The following MAGI1 variants were observed in gnomAD, a reference collection of about 807,000 sequenced individuals.
MAGI1 encodes membrane associated guanylate kinase, WW and PDZ domain containing 1.
MAGI1 carries 58 observed loss-of-function variants against 139.9 expected under a neutral mutation model. That is an observed-to-expected ratio of 0.41 (90% confidence interval 0.34 to 0.52). The LOEUF (loss-of-function observed/expected upper bound fraction) is 0.52, where lower values mean the gene tolerates loss of function less well. Ranked by LOEUF, MAGI1 falls within the 20% of genes least tolerant of loss-of-function variation. The pLI is 0.12. For synonymous variants in MAGI1, 812 were observed against 737.9 expected, an observed-to-expected ratio of 1.10 and a Z score of -1.63; for missense variants, 1,874 against 1,901.6, an observed-to-expected ratio of 0.99 and a Z score of 0.27.
intron 1 of MAGI1, among the ~76,000 whole-genome samples, chr3:65,833,256 T>A (rs772579392): frequency 1.1e-4 from 17 of 152,008 alleles, no homozygotes; most frequent in Non-Finnish European, 1.6e-4. Flanking sequence ...GTAGCTGGGA[T>A]CACAGGCGTG....
At chr3:65,623,772 G>T (rs13073216) in intron 1 of MAGI1, among the ~76,000 whole-genome samples, 4 of 151,956 alleles carry the variant, frequency 2.6e-5, no homozygotes, top group Non-Finnish European at 5.9e-5. Flanking sequence ...TCCAGCTACA[G>T]CTGCTCATTT....
chr3:65,979,912 C>G (rs1417388670), intron 1 of MAGI1, among the ~76,000 whole-genome samples: 1 of 152,180 alleles, frequency 6.6e-6, no homozygotes, highest in Non-Finnish European at 1.5e-5. Context: ...AGAGAGTCAT[C>G]TTGAAAGTAT....
At position 65,442,858 on chromosome 3, in the gene MAGI1, T is replaced by G. The variant is rs749283681; in HGVS notation, c.1079-9A>C. The G allele has an allele frequency of 6.2e-7, 1 of 1,610,728 alleles. No homozygotes were observed. Among genetic ancestry groups the G allele is most frequent in the Non-Finnish European group, 8.5e-7 (1 of 1,177,718 alleles). On this transcript the variant is annotated splice_polypyrimidine_tract_variant and intron_variant, in intron 7 of 22. Coordinates refer to ENST00000402939, the MANE Select transcript of MAGI1 (RefSeq NM_001033057.2). The stretch of plus-strand genomic sequence containing the variant: ...CCAACCAGCAGGCAGTTCTGAAAAA[T>G]AAAAGAACATTTAGGGCAAGAAGAG...
chr3:65,748,779 G>T (rs941205784), intron 1 of MAGI1, among the ~76,000 whole-genome samples: 2 of 152,188 alleles, frequency 1.3e-5, no homozygotes, highest in Non-Finnish European at 2.9e-5. Context: ...GACCTCCTGG[G>T]GGAGTTATTG....
At chr3:66,025,509 A>G (rs1393234337) in intron 1 of MAGI1, among the ~76,000 whole-genome samples, 3 of 152,194 alleles carry the variant, frequency 2.0e-5, no homozygotes, top group African/African-American at 7.2e-5. Flanking sequence ...ACTCCAGCCT[A>G]GGCGACAGAG....
At chr3:65,459,455 T>C (rs886641051) in intron 5 of MAGI1, among the ~76,000 whole-genome samples, 1 of 152,244 alleles carries the variant, frequency 6.6e-6, no homozygotes, top group African/African-American at 2.4e-5. Flanking sequence ...CTGCTATTTA[T>C]ATGCTTATCT....
At chr3:65,769,349 C>A (rs1218077190) in intron 1 of MAGI1, among the ~76,000 whole-genome samples, 2 of 152,062 alleles carry the variant, frequency 1.3e-5, no homozygotes, top group Non-Finnish European at 2.9e-5. Flanking sequence ...CGTAGTAGAG[C>A]ATGATGTTGT....
intron 1 of MAGI1, among the ~76,000 whole-genome samples, chr3:65,706,387 C>T (rs1468117459): frequency 2.0e-5 from 3 of 152,190 alleles, no homozygotes; most frequent in South Asian, 2.1e-4. Context: ...AAGACTAAGG[C>T]GCCATACCAT....
intron 2 of MAGI1, among the ~76,000 whole-genome samples, chr3:65,589,074 G>T (rs1157755879): frequency 9.2e-5 from 14 of 152,124 alleles, no homozygotes; most frequent in African/African-American, 2.9e-4. Flanking sequence ...AGCAGGGATA[G>T]GTCAGAGTAA....
At chr3:65,520,605 A>AT (rs968430845) in intron 2 of MAGI1, among the ~76,000 whole-genome samples, 5 of 152,114 alleles carry the variant, frequency 3.3e-5, no homozygotes, top group South Asian at 2.1e-4. Flanking sequence ...AATAGGATTG[A>AT]TTTTTTACCA....
At chr3:65,534,290 T>G (rs1166876644) in intron 2 of MAGI1, among the ~76,000 whole-genome samples, 1 of 152,014 alleles carries the variant, frequency 6.6e-6, no homozygotes, top group Admixed American at 6.6e-5. Flanking sequence ...GGGACCAGCC[T>G]GGGCAAGATG....
intron 1 of MAGI1, among the ~76,000 whole-genome samples, chr3:65,860,139 A>G (rs1405258778): frequency 6.6e-6 from 1 of 151,686 alleles, no homozygotes; most frequent in Non-Finnish European, 1.5e-5. Context: ...CAGGTGATCC[A>G]CCTGCCTAGG....
intron 1 of MAGI1, among the ~76,000 whole-genome samples, chr3:65,728,911 A>C (rs557789143): frequency 6.6e-6 from 1 of 152,262 alleles, no homozygotes; most frequent in East Asian, 1.9e-4. Flanking sequence ...ATCAATACTC[A>C]TATGACATCT....
chr3:65,862,972 T>A (rs191454906), intron 1 of MAGI1, among the ~76,000 whole-genome samples: 1 of 152,212 alleles, frequency 6.6e-6, no homozygotes, highest in African/African-American at 2.4e-5. Context: ...CTCCCTAGCA[T>A]GGCATTCAAG....
intron 1 of MAGI1, among the ~76,000 whole-genome samples, chr3:65,724,884 C>T (rs1437851036): frequency 1.3e-5 from 2 of 152,076 alleles, no homozygotes; most frequent in Non-Finnish European, 2.9e-5. Context: ...CAAAATTGCC[C>T]CCATGATTCA....
rs753587094 is a variant in MAGI1, at chr3:65,430,073, G to T, written c.1614C>A (p.Ile538=). The change falls in exon 12 of 23, where the codon ATC becomes ATA. Residue 538 remains isoleucine, a synonymous_variant. Coordinates refer to ENST00000402939, the MANE Select transcript of MAGI1 (RefSeq NM_001033057.2). ...TGGCACCAATGGGGATGGACTGGAA[G>T]ATCTTCACAACTTGAGCATGTGTGT... ...LGHTHAQVVK[I]FQSIPIGASV... is the part of the protein sequence containing the mutation. The T allele has an allele frequency of 2.5e-6, 4 of 1,613,682 alleles. No homozygotes were observed. In the African/African-American group the frequency reaches 4.0e-5, roughly 16 times the overall value.
intron 1 of MAGI1, among the ~76,000 whole-genome samples, chr3:65,887,596 G>T: frequency 6.6e-6 from 1 of 151,700 alleles, no homozygotes; most frequent in East Asian, 1.9e-4. Flanking sequence ...CTCTTAGACA[G>T]AGACAGTAAA....
At chr3:65,788,712 T>C (rs527936500) in intron 1 of MAGI1, among the ~76,000 whole-genome samples, 3 of 152,228 alleles carry the variant, frequency 2.0e-5, no homozygotes, top group South Asian at 2.1e-4. Context: ...AAGCATTAAA[T>C]AAATCAGTGT....
At chr3:65,937,018 C>CT (rs1273792124) in intron 1 of MAGI1, among the ~76,000 whole-genome samples, 2 of 150,976 alleles carry the variant, frequency 1.3e-5, no homozygotes, top group Non-Finnish European at 2.9e-5. Flanking sequence ...GTTTTAATCT[C>CT]TACCTAATTT....
Sources: gnomAD v4.1 joint callset for allele counts (sites outside exome capture counted in the v4.1 genomes callset) on GRCh38, gnomAD v4.1.1 for gene constraint, MANE v1.5 for transcripts, NCBI Gene and HGNC (gene_info 2026-07-23, HGNC 2026-07-21) for gene names.